BAALC: variants seen among roughly 807,000 people sequenced by gnomAD.
The protein encoded by BAALC is BAALC binder of MAP3K1 and KLF4, also known as brain and acute leukemia cytoplasmic protein.
BAALC carries 9 observed loss-of-function variants against 15.5 expected under a neutral mutation model. That is an observed-to-expected ratio of 0.58 (90% confidence interval 0.35 to 1.02). The LOEUF is 1.02. Among genes scored for constraint, BAALC ranks in the 50% least tolerant of loss-of-function variants. The probability of loss-of-function intolerance (pLI) is 0.02; values close to 1 mark genes in which losing one functional copy is unlikely to be tolerated. For missense variants in BAALC, 201 were observed against 192.4 expected, an observed-to-expected ratio of 1.04 and a Z score of -0.27; for synonymous variants, 80 against 74.6, an observed-to-expected ratio of 1.07 and a Z score of -0.37.
intron 1 of BAALC, among the ~76,000 whole-genome samples, chr8:103,168,380 G>A (rs1052520499): frequency 2.0e-5 from 3 of 152,180 alleles, no homozygotes; most frequent in African/African-American, 7.2e-5. Context: ...CCAATACATT[G>A]TAGCATAACT....
At chr8:103,144,631 A>C (rs950318250) in intron 1 of BAALC, among the ~76,000 whole-genome samples, 1 of 152,206 alleles carries the variant, frequency 6.6e-6, no homozygotes, top group Non-Finnish European at 1.5e-5. Context: ...GTGTAATCAC[A>C]AGCCCCAAAA....
intron 1 of BAALC, among the ~76,000 whole-genome samples, chr8:103,168,211 C>G (rs1390001870): frequency 6.6e-6 from 1 of 152,124 alleles, no homozygotes; most frequent in Non-Finnish European, 1.5e-5. Context: ...CTTGGAGTAA[C>G]TACTGTCAAC....
At chr8:103,225,286 G>A (rs944781200) in intron 2 of BAALC, among the ~76,000 whole-genome samples, 10 of 152,138 alleles carry the variant, frequency 6.6e-5, no homozygotes, top group African/African-American at 9.7e-5. Context: ...GCTAGGCACT[G>A]GGAACACACA....
At chr8:103,197,127 C>T (rs1215463822) in intron 1 of BAALC, among the ~76,000 whole-genome samples, 1 of 152,184 alleles carries the variant, frequency 6.6e-6, no homozygotes, top group Non-Finnish European at 1.5e-5. Flanking sequence ...ATTTTGATGA[C>T]ACCATACACC....
chr8:103,179,078 TCAGA>T (rs1811671145), intron 1 of BAALC, among the ~76,000 whole-genome samples: 1 of 152,154 alleles, frequency 6.6e-6, no homozygotes, highest in Admixed American at 6.5e-5. Flanking sequence ...CTCTTCTCTA[TCAGA>T]CAGAAAAGAA....
intron 1 of BAALC, among the ~76,000 whole-genome samples, chr8:103,144,245 A>G (rs1810837791): frequency 1.3e-5 from 2 of 152,232 alleles, no homozygotes; most frequent in South Asian, 4.1e-4. Flanking sequence ...ACAAAGAAGA[A>G]GGTTTCTTGC....
At chr8:103,189,877 T>A (rs945840390) in intron 1 of BAALC, among the ~76,000 whole-genome samples, 1 of 152,192 alleles carries the variant, frequency 6.6e-6, no homozygotes, top group African/African-American at 2.4e-5. Context: ...AAGATCCGTC[T>A]TCCTGTCGTG....
intron 1 of BAALC, among the ~76,000 whole-genome samples, chr8:103,143,429 G>A (rs1810824917): frequency 6.6e-6 from 1 of 152,162 alleles, no homozygotes; most frequent in Non-Finnish European, 1.5e-5. Flanking sequence ...GTTTTCTGAT[G>A]GGAGAGGTGG....
chr8:103,214,453 T>G (rs1452191020), intron 2 of BAALC, among the ~76,000 whole-genome samples: 1 of 152,220 alleles, frequency 6.6e-6, no homozygotes, highest in African/African-American at 2.4e-5. Context: ...ATAGGCTTAA[T>G]CAGGTTAGTC....
chr8:103,210,739 C>A (rs1225022129), intron 1 of BAALC, among the ~76,000 whole-genome samples: 1 of 152,102 alleles, frequency 6.6e-6, no homozygotes, highest in East Asian at 1.9e-4. Context: ...AGCATTAATC[C>A]AAGCAATGAG....
chr8:103,159,405 T>C (rs1289252824), intron 1 of BAALC, among the ~76,000 whole-genome samples: 1 of 152,246 alleles, frequency 6.6e-6, no homozygotes, highest in Non-Finnish European at 1.5e-5. Flanking sequence ...GGAATTCTTT[T>C]ATAAAGAATA....
intron 1 of BAALC, among the ~76,000 whole-genome samples, chr8:103,188,322 C>T (rs1191269665): frequency 6.6e-6 from 1 of 152,120 alleles, no homozygotes; most frequent in Non-Finnish European, 1.5e-5. Flanking sequence ...ATGCGATGCC[C>T]CTGAACCACA....
chr8:103,144,550 G>T (rs575517928), intron 1 of BAALC, among the ~76,000 whole-genome samples: 1 of 152,170 alleles, frequency 6.6e-6, no homozygotes. Flanking sequence ...GAGAAAGGAA[G>T]TCTCTGAGGT....
At chr8:103,176,679 A>G (rs1426750748) in intron 1 of BAALC, among the ~76,000 whole-genome samples, 1 of 152,118 alleles carries the variant, frequency 6.6e-6, no homozygotes. Flanking sequence ...GTGCTGTCCT[A>G]GCTCCACAGA....
At position 103,140,889 on chromosome 8, in the gene BAALC, C is replaced by T. The variant is rs1294079983; in HGVS notation, c.-9C>T. ...GAGCAGCCGCTGGGCGCTCCCGCGG[C>T]GCAGGAGGATGGGCTGCGGCGGGAG... On this transcript the variant is annotated 5_prime_UTR_variant, in exon 1 of 3. Coordinates refer to ENST00000309982, the MANE Select transcript of BAALC (RefSeq NM_024812.3). The surrounding 1 kb of genome is among the most constrained non-coding windows in gnomAD (Gnocchi z 4.2). 6.6e-7 allele frequency: 1 copy of T among 1,505,328 alleles called. No homozygotes were observed. Among genetic ancestry groups the T allele is most frequent in the Non-Finnish European group, 8.9e-7 (1 of 1,127,502 alleles). The allele number at this position is 1,505,328 out of a possible 1,614,324, so 93.2% of individuals were successfully genotyped here.
At chr8:103,227,890 T>C in intron 2 of BAALC, 99 bp from the exon 3 acceptor site, 1 of 773,084 alleles carries the variant, frequency 1.3e-6, no homozygotes, top group Admixed American at 2.3e-5. Flanking sequence ...CATTCTCAAC[T>C]ATGGCACAAT....
At chr8:103,145,680 A>T (rs1262498407) in intron 1 of BAALC, among the ~76,000 whole-genome samples, 2 of 152,226 alleles carry the variant, frequency 1.3e-5, no homozygotes, top group East Asian at 3.8e-4. Context: ...TAAAATCCTT[A>T]GATCTTTCTT....
At chr8:103,160,498 T>G (rs1586383570) in intron 1 of BAALC, among the ~76,000 whole-genome samples, 2 of 152,170 alleles carry the variant, frequency 1.3e-5, no homozygotes, top group Non-Finnish European at 1.5e-5. Flanking sequence ...AAAGATTTTT[T>G]GGGAGTTTTT....
chr8:103,162,765 A>C (rs2129911230), intron 1 of BAALC, among the ~76,000 whole-genome samples: 1 of 152,184 alleles, frequency 6.6e-6, no homozygotes, highest in African/African-American at 2.4e-5. Flanking sequence ...TTTAATAATA[A>C]CTATAAAGGA....
Sources: gnomAD v4.1 joint callset for allele counts (sites outside exome capture counted in the v4.1 genomes callset) on GRCh38, gnomAD v4.1.1 for gene constraint, Gnocchi (gnomAD v3.1) non-coding constraint, MANE v1.5 for transcripts, NCBI Gene and HGNC (gene_info 2026-07-23, HGNC 2026-07-21) for gene names.